The following UVRAG variants were observed in gnomAD, a reference collection of about 807,000 sequenced individuals.
UVRAG encodes UV radiation resistance-associated gene protein.
In UVRAG, 19 loss-of-function variants were observed where a neutral mutation model predicts 78.0. That is an observed-to-expected ratio of 0.24 (90% CI 0.17 to 0.36). UVRAG has a LOEUF of 0.36. Ranked by LOEUF, UVRAG falls within the 10% of genes least tolerant of loss-of-function variation. The pLI is 1.00. For missense variants in UVRAG, 740 were observed against 853.8 expected (o/e 0.87, Z 1.66); for synonymous variants, 323 against 324.6 (o/e 1.00, Z 0.05).
intron 5 of UVRAG, among the ~76,000 whole-genome samples, chr11:75,904,732 C>T (rs1179500148): frequency 6.6e-6 from 1 of 152,122 alleles, no homozygotes; most frequent in African/African-American, 2.4e-5. Context: ...ATTAATAGCA[C>T]CTGTTTCACA....
chr11:76,006,660 CAAAAAAAAAAAAA>C (rs762221601), intron 9 of UVRAG, among the ~76,000 whole-genome samples: 2 of 62,350 alleles, frequency 3.2e-5, no homozygotes, highest in African/African-American at 1.5e-4. Flanking sequence ...GACCCCGTCT[CAAAAAAAAAAAAA>C]AAAAAAAAAA....
rs367549207 is a variant in UVRAG, at chr11:75,866,983, C to T, written c.270+5203C>T. Among the ~76,000 whole-genome samples, 4 of 152,112 alleles carry T rather than the reference C, an allele frequency of 2.6e-5. No homozygotes were observed. In the South Asian group the frequency reaches 6.2e-4, roughly 24 times the overall value. Reference sequence around the variant, plus strand: ...CATTCCAAGATATTTAGCAGTCTTTCCTTTTTTCATTATTTGACTTATGAT... The same window carrying T: ...CATTCCAAGATATTTAGCAGTCTTTTCTTTTTTCATTATTTGACTTATGAT... On this transcript the variant is annotated intron_variant, in intron 3 of 14. Transcript: ENST00000356136.
intron 14 of UVRAG, among the ~76,000 whole-genome samples, chr11:76,125,743 A>G (rs1442511996): frequency 1.3e-5 from 2 of 152,296 alleles, no homozygotes; most frequent in South Asian, 4.1e-4. Context: ...ATAAAATAGT[A>G]TGGGCTCAAT....
intron 14 of UVRAG, among the ~76,000 whole-genome samples, chr11:76,128,717 A>G (rs1392418836): frequency 6.6e-6 from 1 of 152,120 alleles, no homozygotes; most frequent in African/African-American, 2.4e-5. Flanking sequence ...CCTGGGCTCA[A>G]GTGATTCCCC....
intron 13 of UVRAG, among the ~76,000 whole-genome samples, chr11:76,090,008 G>A (rs1211084594): frequency 6.6e-6 from 1 of 152,086 alleles, no homozygotes; most frequent in Non-Finnish European, 1.5e-5. Context: ...CTCCGCCCTC[G>A]CTAGCCACCA....
intron 13 of UVRAG, among the ~76,000 whole-genome samples, chr11:76,096,123 A>G (rs902877915): frequency 6.6e-6 from 1 of 152,210 alleles, no homozygotes; most frequent in East Asian, 1.9e-4. Flanking sequence ...AAGGCAGCTA[A>G]GATTCTTGTA....
chr11:75,866,937 TACTTTG>T (rs1392027714), intron 3 of UVRAG, among the ~76,000 whole-genome samples: 1 of 152,216 alleles, frequency 6.6e-6, no homozygotes, highest in African/African-American at 2.4e-5. Context: ...AACCTGTTGT[TACTTTG>T]GAGTTTCTTC....
chr11:76,005,342 TA>T (rs1012224017), intron 9 of UVRAG, among the ~76,000 whole-genome samples: 99 of 144,874 alleles, frequency 6.8e-4, no homozygotes, highest in Middle Eastern at 6.9e-3. Flanking sequence ...GACGCCATCT[TA>T]AAAAAAAAAA....
chr11:76,047,689 T>G (rs1370982955), intron 12 of UVRAG, among the ~76,000 whole-genome samples: 1 of 152,250 alleles, frequency 6.6e-6, no homozygotes, highest in Non-Finnish European at 1.5e-5. Flanking sequence ...AAGATTAAAC[T>G]GTCATTTTCA....
chr11:76,003,503 G>A (rs1196866569), intron 8 of UVRAG, among the ~76,000 whole-genome samples: 1 of 151,976 alleles, frequency 6.6e-6, no homozygotes, highest in Admixed American at 6.6e-5. Flanking sequence ...TTACAGGCAT[G>A]AGCCACCGCA....
chr11:76,028,489 G>A (rs185367958), intron 12 of UVRAG, among the ~76,000 whole-genome samples: 1 of 152,282 alleles, frequency 6.6e-6, no homozygotes, highest in East Asian at 1.9e-4. Context: ...GGCCTCTTGT[G>A]TGAAAGAGCC....
intron 6 of UVRAG, among the ~76,000 whole-genome samples, chr11:75,939,660 T>C (rs1302968968): frequency 1.3e-5 from 2 of 152,140 alleles, no homozygotes; most frequent in African/African-American, 4.8e-5. Flanking sequence ...AGATTGCTTT[T>C]TGCTTATCAG....
At chr11:75,984,354 G>T (rs954239319) in intron 8 of UVRAG, among the ~76,000 whole-genome samples, 4 of 152,160 alleles carry the variant, frequency 2.6e-5, no homozygotes, top group Non-Finnish European at 5.9e-5. Flanking sequence ...GGTATTCAAT[G>T]CTGTGTTATA....
At chr11:75,912,995 A>T (rs1360710695) in intron 6 of UVRAG, among the ~76,000 whole-genome samples, 1 of 152,238 alleles carries the variant, frequency 6.6e-6, no homozygotes, top group African/African-American at 2.4e-5. Flanking sequence ...CTACACCTTG[A>T]CTGCTTAGGA....
At chr11:76,082,937 G>C (rs1951525213) in intron 13 of UVRAG, among the ~76,000 whole-genome samples, 1 of 151,990 alleles carries the variant, frequency 6.6e-6, no homozygotes, top group African/African-American at 2.4e-5. Context: ...AGGAGGCTGA[G>C]GTGGGAGGAT....
intron 12 of UVRAG, among the ~76,000 whole-genome samples, chr11:76,030,229 C>T (rs1003920384): frequency 3.3e-5 from 5 of 151,818 alleles, no homozygotes; most frequent in Admixed American, 6.6e-5. Context: ...GAAAGGGTGC[C>T]GCTATGTTGA....
chr11:75,841,288 G>T (rs749711178), intron 1 of UVRAG, among the ~76,000 whole-genome samples: 2 of 152,122 alleles, frequency 1.3e-5, no homozygotes, highest in Non-Finnish European at 2.9e-5. Flanking sequence ...TAAATCAGGG[G>T]TCAGCAAACT....
chr11:75,822,096 C>T (rs1270124202), intron 1 of UVRAG, among the ~76,000 whole-genome samples: 1 of 152,058 alleles, frequency 6.6e-6, no homozygotes, highest in Non-Finnish European at 1.5e-5. Context: ...AGGCACCCGC[C>T]ACCATGCCCA....
At chr11:76,031,823 A>G (rs1256645239) in intron 12 of UVRAG, among the ~76,000 whole-genome samples, 4 of 152,330 alleles carry the variant, frequency 2.6e-5, no homozygotes, top group Non-Finnish European at 5.9e-5. Flanking sequence ...GTGTTTCTCA[A>G]CAGGACTCCC....
Sources: gnomAD v4.1 joint callset for allele counts (sites outside exome capture counted in the v4.1 genomes callset) on GRCh38, gnomAD v4.1.1 for gene constraint, MANE v1.5 for transcripts, NCBI Gene and HGNC (gene_info 2026-07-23, HGNC 2026-07-21) for gene names.